The following RFX7 variants were observed in gnomAD, a reference collection of about 807,000 sequenced individuals.
RFX7 encodes the protein DNA-binding protein RFX7.
In RFX7, 26 loss-of-function variants were observed where a neutral mutation model predicts 111.8. The observed-to-expected ratio is 0.23, with a 90% confidence interval of 0.17 to 0.32. The LOEUF is 0.32. RFX7 is among the 10% of genes least tolerant of loss of function. RFX7 has a pLI of 1.00. For missense variants in RFX7, 1,573 were observed against 1,772.9 expected, an observed-to-expected ratio of 0.89 and a Z score of 2.02; for synonymous variants, 624 against 624.4, an observed-to-expected ratio of 1.00 and a Z score of 0.01.
chr15:56,133,941 C>T (rs1462803913), intron 5 of RFX7, among the ~76,000 whole-genome samples: 3 of 152,074 alleles, frequency 2.0e-5, no homozygotes, highest in African/African-American at 7.2e-5. Context: ...TTACAATAAC[C>T]ATATTATTTG....
At chr15:56,139,059 C>G (rs1373206356) in intron 5 of RFX7, among the ~76,000 whole-genome samples, 4 of 151,792 alleles carry the variant, frequency 2.6e-5, no homozygotes, top group African/African-American at 9.7e-5. Flanking sequence ...TTTTTTCCTT[C>G]ATTTCAACTT....
intron 2 of RFX7, among the ~76,000 whole-genome samples, chr15:56,222,432 A>G (rs1055786321): frequency 1.3e-5 from 2 of 152,176 alleles, no homozygotes; most frequent in East Asian, 1.9e-4. Flanking sequence ...TTCAATAATC[A>G]TATCTTCAAA....
intron 5 of RFX7, among the ~76,000 whole-genome samples, chr15:56,142,271 G>C (rs1304146281): frequency 6.6e-6 from 1 of 152,124 alleles, no homozygotes; most frequent in African/African-American, 2.4e-5. Context: ...CCAAATTTGA[G>C]TGTCTAACAT....
chr15:56,207,344 G>T (rs939097402), intron 2 of RFX7, among the ~76,000 whole-genome samples: 2 of 152,122 alleles, frequency 1.3e-5, no homozygotes, highest in Non-Finnish European at 2.9e-5. Context: ...GAGTTCTGTG[G>T]ATGGCTAGTG....
chr15:56,096,417 C>T lies in RFX7; in HGVS notation c.1311G>A (p.Ala437=), dbSNP rs755202582. ...AGCGAATGGTGAGTGCACTGGTGTTCGCTGGTTTGGGTAAGATCTGAGGGT... is the reference window on the plus strand; with the variant it reads ...AGCGAATGGTGAGTGCACTGGTGTTTGCTGGTTTGGGTAAGATCTGAGGGT... ...HRYPQILPKP[A]NTSALTIRSP... Residue 437 remains alanine (A), a synonymous_variant, in exon 10 of 10, where the codon GCG becomes GCA. Transcript: ENST00000559447. 2 of 1,613,718 alleles carry T rather than the reference C, an allele frequency of 1.2e-6. No homozygotes were observed. Among genetic ancestry groups the T allele is most frequent in the South Asian group, 2.2e-5 (2 of 91,020 alleles).
At chr15:56,160,502 GC>G (rs2042707953) in intron 3 of RFX7, among the ~76,000 whole-genome samples, 1 of 151,894 alleles carries the variant, frequency 6.6e-6, no homozygotes, top group Non-Finnish European at 1.5e-5. Flanking sequence ...GAATTTGTCT[GC>G]CCTTGATTTA....
Position 56,098,366 on chromosome 15 carries a change from T to G in RFX7, c.822A>C (p.Gly274=). The change falls in exon 9 of 10, where the codon GGA becomes GGC. Residue 274 remains glycine (G), a synonymous_variant. Transcript: ENST00000559447. ...GTATAAAAGCAGAAGGCTGGGTAAT[T>G]CCTTTCATTCCTGAAAATAAACAGA... ...VMAAAPAGMK[G]ITQPSAFIPT... 2 of 1,589,932 alleles carry G rather than the reference T, an allele frequency of 1.3e-6. No homozygotes were observed. Among genetic ancestry groups the G allele is most frequent in the South Asian group, 2.3e-5 (2 of 88,058 alleles).
At chr15:56,177,287 C>A (rs550819392) in intron 3 of RFX7, among the ~76,000 whole-genome samples, 1 of 152,222 alleles carries the variant, frequency 6.6e-6, no homozygotes, top group South Asian at 2.1e-4. Context: ...TCCTGGCCAC[C>A]CTATCTAAGG....
chr15:56,102,764 G>A (rs2041773303), intron 6 of RFX7, among the ~76,000 whole-genome samples: 1 of 152,162 alleles, frequency 6.6e-6, no homozygotes, highest in African/African-American at 2.4e-5. Flanking sequence ...AGCAAGAATA[G>A]GTCGTGCCAA....
chr15:56,183,084 C>A (rs756160800), intron 2 of RFX7, among the ~76,000 whole-genome samples: 2 of 151,874 alleles, frequency 1.3e-5, no homozygotes, highest in Non-Finnish European at 2.9e-5. Flanking sequence ...AAAAAATTGT[C>A]TTTTCCTCAA....
chr15:56,179,062 A>G (rs2042934246), intron 3 of RFX7: 1 of 184,382 alleles, frequency 5.4e-6, no homozygotes. Flanking sequence ...TAATTACCTC[A>G]GATTGTGATT....
intron 2 of RFX7, among the ~76,000 whole-genome samples, chr15:56,237,142 T>G (rs2043632627): frequency 6.6e-6 from 1 of 152,210 alleles, no homozygotes; most frequent in Admixed American, 6.5e-5. Context: ...GTAACAGTGT[T>G]AGAATCTCAG....
chr15:56,095,235 A>G lies in RFX7; in HGVS notation c.2493T>C (p.Tyr831=), dbSNP rs760116295. 8.1e-6 allele frequency: 13 copies of G among 1,613,794 alleles called. No homozygotes were observed. Among genetic ancestry groups the G allele is most frequent in the East Asian group, 4.5e-5 (2 of 44,882 alleles). Residue 831 remains tyrosine (Y), a synonymous_variant, in exon 10 of 10, where the codon TAT becomes TAC. Coordinates refer to ENST00000559447, the MANE Select transcript of RFX7 (RefSeq NM_022841.7). The part of the protein sequence containing the change: ...WELEGMPQDT[Y]SQQLHSQIQE... ...GTATCTGGCTATGTAGCTGCTGGCTATATGTGTCCTGTGGCATTCCTTCTA... is the reference window on the plus strand; with the variant it reads ...GTATCTGGCTATGTAGCTGCTGGCTGTATGTGTCCTGTGGCATTCCTTCTA...
At chr15:56,109,165 C>T (rs1024586401) in intron 5 of RFX7, among the ~76,000 whole-genome samples, 2 of 152,342 alleles carry the variant, frequency 1.3e-5, no homozygotes, top group East Asian at 3.9e-4. Flanking sequence ...CCTGCCTCAG[C>T]CTGCCGAGTG....
chr15:56,142,899 C>G lies in RFX7; in HGVS notation c.280G>C (p.Asp94His). The G allele has an allele frequency of 6.2e-7, 1 of 1,613,274 alleles. No individual in the cohort carries two copies. Among genetic ancestry groups the G allele is most frequent in the Non-Finnish European group, 8.5e-7 (1 of 1,179,612 alleles). Residue 94 changes from aspartate to histidine, a missense_variant and splice_region_variant, in exon 5 of 10, where the codon GAT becomes CAT. Asp to His is a moderately conservative substitution (Grantham distance 81, BLOSUM62 -1). Transcript: ENST00000559447. ...CGACTAGATGACATGGCATTCTGAT[C>G]ACTAATAGAATGAAAACATGTTTTA... Reference protein sequence around the residue: ...PSGLSNGEKSDQNAMSSSRAQ... With the variant: ...PSGLSNGEKSHQNAMSSSRAQ...
intron 5 of RFX7, among the ~76,000 whole-genome samples, chr15:56,138,821 A>C (rs1159567081): frequency 1.3e-5 from 2 of 151,782 alleles, no homozygotes; most frequent in Non-Finnish European, 2.9e-5. Context: ...GTGGTGACAA[A>C]ATCTCTCAGC....
At chr15:56,150,383 G>A (rs2042552449) in intron 3 of RFX7, among the ~76,000 whole-genome samples, 1 of 152,164 alleles carries the variant, frequency 6.6e-6, no homozygotes, top group Non-Finnish European at 1.5e-5. Context: ...TCCCAGATGG[G>A]GCCGACAGAC....
chr15:56,145,292 T>C (rs914256435), intron 3 of RFX7, among the ~76,000 whole-genome samples: 2 of 152,196 alleles, frequency 1.3e-5, no homozygotes, highest in Admixed American at 6.5e-5. Context: ...CAAAATTCCA[T>C]TGCAATGAAA....
intron 2 of RFX7, among the ~76,000 whole-genome samples, chr15:56,212,864 T>C (rs1160081599): frequency 6.6e-6 from 1 of 151,510 alleles, no homozygotes; most frequent in African/African-American, 2.4e-5. Flanking sequence ...CACCAAAGAG[T>C]ATACACAAAT....
Sources: allele counts gnomAD v4.1 joint callset (sites outside exome capture counted in the v4.1 genomes callset), GRCh38; gene constraint gnomAD v4.1.1; transcripts MANE v1.5; gene names NCBI Gene and HGNC (gene_info 2026-07-23, HGNC 2026-07-21).